The following MDGA2 variants were observed in gnomAD, a reference collection of about 807,000 sequenced individuals.
MDGA2 encodes the protein MAM domain containing glycosylphosphatidylinositol anchor 2.
A neutral mutation model predicts 117.8 loss-of-function variants in MDGA2; 40 were observed. That is an observed-to-expected ratio of 0.34 (90% confidence interval 0.26 to 0.44). The LOEUF (loss-of-function observed/expected upper bound fraction) is 0.44. MDGA2 is among the 20% of genes least tolerant of loss of function. The pLI is 1.00. For missense variants in MDGA2, 1,123 were observed against 1,250.6 expected (o/e 0.90, Z 1.54); for synonymous variants, 452 against 439.0 (o/e 1.03, Z -0.37).
At chr14:47,614,380 G>C (rs749089517) in intron 1 of MDGA2, among the ~76,000 whole-genome samples, 1 of 151,986 alleles carries the variant, frequency 6.6e-6, no homozygotes, top group Admixed American at 6.6e-5. Flanking sequence ...ATGAGCCATC[G>C]CATCCGGCCA....
At chr14:47,027,369 T>G (rs979195583) in intron 8 of MDGA2, among the ~76,000 whole-genome samples, 3 of 152,062 alleles carry the variant, frequency 2.0e-5, no homozygotes, top group African/African-American at 7.2e-5. Flanking sequence ...CTGGCTTAAT[T>G]TGTACCTTTA....
chr14:47,594,269 T>G (rs75598411), intron 1 of MDGA2, among the ~76,000 whole-genome samples: 2,210 of 152,268 alleles, frequency 0.015, 54 homozygotes, highest in East Asian at 0.12. Context: ...TAGAACATGG[T>G]GAGGAGATGG....
chr14:46,947,419 T>C (rs1885210481), intron 9 of MDGA2, among the ~76,000 whole-genome samples: 1 of 152,034 alleles, frequency 6.6e-6, no homozygotes, highest in South Asian at 2.1e-4. Flanking sequence ...CCCCCCAACA[T>C]ATTGTTGCTG....
At chr14:47,132,925 T>C (rs754206840) in intron 4 of MDGA2, among the ~76,000 whole-genome samples, 4 of 151,876 alleles carry the variant, frequency 2.6e-5, no homozygotes, top group Non-Finnish European at 4.4e-5. Context: ...CTTAGTGACT[T>C]ACTACATAAA....
intron 1 of MDGA2, among the ~76,000 whole-genome samples, chr14:47,660,228 T>A (rs1897820363): frequency 1.3e-5 from 2 of 152,216 alleles, no homozygotes; most frequent in Non-Finnish European, 2.9e-5. Flanking sequence ...TGAGGGGGGA[T>A]GTTTATCAGT....
At chr14:47,240,684 C>T (rs569124620) in intron 2 of MDGA2, among the ~76,000 whole-genome samples, 3 of 151,890 alleles carry the variant, frequency 2.0e-5, no homozygotes, top group African/African-American at 7.2e-5. Flanking sequence ...GTAAGTAGTG[C>T]ATGTCTTAGA....
At chr14:47,504,816 T>G (rs1473491630) in intron 1 of MDGA2, among the ~76,000 whole-genome samples, 1 of 152,068 alleles carries the variant, frequency 6.6e-6, no homozygotes, top group Non-Finnish European at 1.5e-5. Context: ...AATTCAACTA[T>G]CATATGATCC....
rs572380066 is a variant in MDGA2 at position 47,577,121 on chromosome 14, A to G, written c.280+97396T>C. On this transcript the variant is annotated intron_variant, in intron 1 of 16. Transcript: ENST00000399232. ...GCATATTTCTGTAAAGGAGGAAGAT[A>G]TATGAGACAGGAGACAAAAGTAGAG... Among the ~76,000 whole-genome samples the G allele has an allele frequency of 2.6e-5, 4 of 152,290 alleles. No individual in the cohort carries two copies. The South Asian group carries it at 8.3e-4, about 32-fold the overall frequency.
chr14:47,508,352 A>ACTTTCT (rs1555328277), intron 1 of MDGA2, among the ~76,000 whole-genome samples: 1 of 132,762 alleles, frequency 7.5e-6, no homozygotes, highest in Non-Finnish European at 1.6e-5. Context: ...TTGCTGATTG[A>ACTTTCT]CTCTCTCTCT....
chr14:47,068,566 C>T (rs1890167450), intron 6 of MDGA2, among the ~76,000 whole-genome samples: 1 of 151,802 alleles, frequency 6.6e-6, no homozygotes, highest in African/African-American at 2.4e-5. Context: ...TATTACTTTG[C>T]TGGCCCTATA....
intron 8 of MDGA2, among the ~76,000 whole-genome samples, chr14:47,032,546 C>T (rs752311327): frequency 2.0e-5 from 3 of 152,208 alleles, no homozygotes; most frequent in Non-Finnish European, 2.9e-5. Context: ...AAGCTATGAT[C>T]GTGCCACTGT....
At chr14:47,161,727 CCT>C in intron 3 of MDGA2, among the ~76,000 whole-genome samples, 1 of 151,814 alleles carries the variant, frequency 6.6e-6, no homozygotes, top group East Asian at 1.9e-4. Flanking sequence ...CATCCTTGCC[CCT>C]GATAAGGAAA....
chr14:47,637,618 T>C (rs1253871077), intron 1 of MDGA2, among the ~76,000 whole-genome samples: 2 of 152,214 alleles, frequency 1.3e-5, no homozygotes, highest in Non-Finnish European at 2.9e-5. Context: ...AAAATCTAAA[T>C]TCTGCATATT....
At chr14:46,945,637 G>A (rs1885146256) in intron 9 of MDGA2, among the ~76,000 whole-genome samples, 1 of 151,902 alleles carries the variant, frequency 6.6e-6, no homozygotes, top group Admixed American at 6.6e-5. Context: ...TTTAATATAT[G>A]TTTCTTAAAC....
chr14:47,154,979 C>T (rs1033768947), intron 3 of MDGA2, among the ~76,000 whole-genome samples: 1 of 152,194 alleles, frequency 6.6e-6, no homozygotes, highest in Non-Finnish European at 1.5e-5. Flanking sequence ...CAAGCACTTC[C>T]TCCCCTCGGA....
intron 9 of MDGA2, among the ~76,000 whole-genome samples, chr14:46,952,309 G>C (rs904446544): frequency 6.6e-5 from 10 of 151,940 alleles, no homozygotes; most frequent in Non-Finnish European, 1.5e-4. Context: ...ACTTTTGGAG[G>C]AAATGTGGAA....
At chr14:46,956,912 T>TC (rs1885583620) in intron 9 of MDGA2, among the ~76,000 whole-genome samples, 1 of 152,118 alleles carries the variant, frequency 6.6e-6, no homozygotes, top group African/African-American at 2.4e-5. Flanking sequence ...GTGTGACACT[T>TC]CCCCCTTCAC....
chr14:47,533,215 A>T (rs749385430), intron 1 of MDGA2, among the ~76,000 whole-genome samples: 2 of 152,210 alleles, frequency 1.3e-5, no homozygotes, highest in Non-Finnish European at 2.9e-5. Context: ...AAGGAATATC[A>T]GGGTGCTGGA....
At chr14:47,088,227 T>A (rs545513905) in intron 6 of MDGA2, among the ~76,000 whole-genome samples, 3 of 151,830 alleles carry the variant, frequency 2.0e-5, no homozygotes, top group South Asian at 4.2e-4. Flanking sequence ...ATTTTTAGAT[T>A]TTATATGGCC....
Sources: allele counts gnomAD v4.1 joint callset (sites outside exome capture counted in the v4.1 genomes callset), GRCh38; gene constraint gnomAD v4.1.1; transcripts MANE v1.5; gene names NCBI Gene and HGNC (gene_info 2026-07-23, HGNC 2026-07-21).